Variants in ADCY8 observed in about 807,000 individuals in gnomAD.
ADCY8 encodes adenylate cyclase type 8.
In ADCY8, 51 loss-of-function variants were observed where a neutral mutation model predicts 119.7. The ratio of observed to expected loss-of-function variants is 0.43; its 90% CI spans 0.34 to 0.54. The LOEUF (loss-of-function observed/expected upper bound fraction) is 0.54, where lower values mean the gene tolerates loss of function less well. Among genes scored for constraint, ADCY8 ranks in the 20% least tolerant of loss-of-function variants. The pLI is 0.03. For missense variants in ADCY8, 1,383 were observed against 1,598.8 expected (o/e 0.87, Z 2.30); for synonymous variants, 665 against 651.0 (o/e 1.02, Z -0.33).
intron 1 of ADCY8, among the ~76,000 whole-genome samples, chr8:130,999,988 CTAAA>C (rs1226951164): frequency 6.6e-6 from 1 of 152,174 alleles, no homozygotes; most frequent in Non-Finnish European, 1.5e-5. Flanking sequence ...AATTGGGAGA[CTAAA>C]TAATAACAAG....
intron 4 of ADCY8, among the ~76,000 whole-genome samples, chr8:130,940,898 C>T (rs1224769797): frequency 1.3e-5 from 2 of 152,086 alleles, no homozygotes; most frequent in Non-Finnish European, 2.9e-5. Flanking sequence ...GATGAATGCA[C>T]CAAATTATCA....
chr8:130,948,005 G>A (rs969816712), intron 3 of ADCY8, among the ~76,000 whole-genome samples: 10 of 152,224 alleles, frequency 6.6e-5, no homozygotes, highest in Middle Eastern at 3.4e-3. Flanking sequence ...AATGACATAC[G>A]TCATTTTCTG....
intron 11 of ADCY8, among the ~76,000 whole-genome samples, chr8:130,842,507 T>G (rs1278352507): frequency 6.6e-6 from 1 of 152,190 alleles, no homozygotes; most frequent in Non-Finnish European, 1.5e-5. Flanking sequence ...TACTTTATAT[T>G]GCTATGTTAT....
intron 1 of ADCY8, among the ~76,000 whole-genome samples, chr8:131,005,086 T>A (rs1398540910): frequency 1.3e-5 from 2 of 152,096 alleles, no homozygotes; most frequent in Admixed American, 1.3e-4. Flanking sequence ...TCCAGTGAAA[T>A]TACAGTCTCT....
chr8:130,964,057 G>A (rs1450495587), intron 2 of ADCY8, among the ~76,000 whole-genome samples: 1 of 152,168 alleles, frequency 6.6e-6, no homozygotes, highest in African/African-American at 2.4e-5. Flanking sequence ...CTGGTCTGCT[G>A]AAGTGACACT....
intron 1 of ADCY8, among the ~76,000 whole-genome samples, chr8:130,997,377 A>T (rs1375466495): frequency 6.6e-6 from 1 of 151,936 alleles, no homozygotes; most frequent in Non-Finnish European, 1.5e-5. Context: ...GTGGAGATCT[A>T]ACAAGGCAGT....
At chr8:130,966,593 A>ATCCCCCC (rs1821770077) in intron 2 of ADCY8, among the ~76,000 whole-genome samples, 3 of 152,166 alleles carry the variant, frequency 2.0e-5, no homozygotes, top group African/African-American at 4.8e-5. Flanking sequence ...AAAAGGGGGG[A>ATCCCCCC]AGCAAAGCAA....
At chr8:130,796,996 G>A (rs980896497) in intron 15 of ADCY8, among the ~76,000 whole-genome samples, 3 of 152,074 alleles carry the variant, frequency 2.0e-5, no homozygotes, top group Non-Finnish European at 2.9e-5. Flanking sequence ...CTCTTTCTCC[G>A]CTTTCCAAGA....
At chr8:131,024,893 T>C (rs1028851456) in intron 1 of ADCY8, among the ~76,000 whole-genome samples, 2 of 152,204 alleles carry the variant, frequency 1.3e-5, no homozygotes, top group Non-Finnish European at 2.9e-5. Context: ...ATGTGTTCTA[T>C]AAGAATTGTC....
intron 6 of ADCY8, among the ~76,000 whole-genome samples, chr8:130,908,309 T>C (rs1043840273): frequency 1.7e-4 from 26 of 152,200 alleles, no homozygotes; most frequent in Non-Finnish European, 2.6e-4. Context: ...CACAGATGAA[T>C]TGGCTAACTT....
chr8:130,979,134 G>A (rs1822162174), intron 2 of ADCY8, among the ~76,000 whole-genome samples: 1 of 152,122 alleles, frequency 6.6e-6, no homozygotes, highest in African/African-American at 2.4e-5. Context: ...AGAATACTTT[G>A]GAAGAGCTAC....
At chr8:130,793,566 T>C (rs1815489065) in intron 15 of ADCY8, among the ~76,000 whole-genome samples, 2 of 152,256 alleles carry the variant, frequency 1.3e-5, no homozygotes, top group Non-Finnish European at 2.9e-5. Flanking sequence ...TTTGTCATTA[T>C]ATCTTGTGCG....
intron 12 of ADCY8, among the ~76,000 whole-genome samples, chr8:130,825,742 G>A (rs1193008315): frequency 6.6e-6 from 1 of 152,176 alleles, no homozygotes; most frequent in Non-Finnish European, 1.5e-5. Flanking sequence ...GAAGAATGTG[G>A]CTAACCTCTT....
intron 14 of ADCY8, among the ~76,000 whole-genome samples, chr8:130,810,194 A>T (rs2130152129): frequency 6.6e-6 from 1 of 152,350 alleles, no homozygotes; most frequent in African/African-American, 2.4e-5. Context: ...TTTGTATCAC[A>T]GTTCAGATCT....
At chr8:130,814,031 C>A in intron 14 of ADCY8, 38 bp downstream of exon 14, 1 of 1,611,698 alleles carries the variant, frequency 6.2e-7, no homozygotes. Flanking sequence ...TCACCCACCA[C>A]CACCCTTTCT....
intron 5 of ADCY8, among the ~76,000 whole-genome samples, chr8:130,922,487 GTGGACACAGCA>G (rs1820342110): frequency 6.6e-6 from 1 of 152,100 alleles, no homozygotes. Context: ...TTAACCCTGA[GTGGACACAGCA>G]CATGTTTCAG....
At chr8:130,898,146 C>A (rs1017509465) in intron 7 of ADCY8, among the ~76,000 whole-genome samples, 1 of 152,178 alleles carries the variant, frequency 6.6e-6, no homozygotes, top group Non-Finnish European at 1.5e-5. Flanking sequence ...ATATATGGGG[C>A]TCTAATTCCA....
At chr8:130,821,275 A>G (rs1437427287) in intron 13 of ADCY8, 67 bp downstream of exon 13, 1 of 1,369,290 alleles carries the variant, frequency 7.3e-7, no homozygotes, top group Middle Eastern at 1.8e-4. Flanking sequence ...AAAGAGCAGC[A>G]GAGGCCAGTT....
chr8:130,845,880 G>C (rs528902986), intron 11 of ADCY8, among the ~76,000 whole-genome samples: 1 of 152,290 alleles, frequency 6.6e-6, no homozygotes, highest in South Asian at 2.1e-4. Context: ...GGGAGGGAAA[G>C]AAGTGAGGAA....
Sources: gnomAD v4.1 joint callset for allele counts (sites outside exome capture counted in the v4.1 genomes callset) on GRCh38, gnomAD v4.1.1 for gene constraint, MANE v1.5 for transcripts, NCBI Gene and HGNC (gene_info 2026-07-23, HGNC 2026-07-21) for gene names.